Variants in ALK observed in about 807,000 individuals in gnomAD.
ALK encodes the protein ALK receptor tyrosine kinase.
Under a neutral mutation model 163.1 loss-of-function variants are expected in ALK, and 74 were observed. The ratio of observed to expected loss-of-function variants is 0.45; its 90% confidence interval spans 0.38 to 0.55. The LOEUF (loss-of-function observed/expected upper bound fraction) is 0.55. Ranked by LOEUF, ALK falls within the 20% of genes least tolerant of loss-of-function variation. ALK has a pLI of 0.00. For missense variants in ALK, 2,063 were observed against 2,105.3 expected (o/e 0.98, Z 0.39); for synonymous variants, 960 against 843.2 (o/e 1.14, Z -2.40).
chr2:29,691,657 A>T (rs1678399454), intron 3 of ALK, among the ~76,000 whole-genome samples: 1 of 152,190 alleles, frequency 6.6e-6, no homozygotes, highest in Non-Finnish European at 1.5e-5. Flanking sequence ...GAATGCTGAG[A>T]AGTAAAAATT....
chr2:29,763,391 A>G (rs1310926880), intron 1 of ALK, among the ~76,000 whole-genome samples: 1 of 152,188 alleles, frequency 6.6e-6, no homozygotes, highest in African/African-American at 2.4e-5. Context: ...TTTACCAGAT[A>G]TGTGACCTCT....
chr2:29,853,929 A>C (rs1666073566), intron 1 of ALK, among the ~76,000 whole-genome samples: 1 of 146,244 alleles, frequency 6.8e-6, no homozygotes, highest in African/African-American at 2.5e-5. Context: ...TTTTTTCCTG[A>C]GACAGAGTCT....
At chr2:29,233,845 C>T (rs1664292414) in intron 13 of ALK, 149 bp from the exon 14 acceptor site, 1 of 960,144 alleles carries the variant, frequency 1.0e-6, no homozygotes, top group Admixed American at 2.0e-5. Context: ...ATACCAATAA[C>T]TGTCACTCTG....
At chr2:29,242,765 C>A (rs1221468000) in intron 12 of ALK, among the ~76,000 whole-genome samples, 1 of 152,240 alleles carries the variant, frequency 6.6e-6, no homozygotes, top group Non-Finnish European at 1.5e-5. Flanking sequence ...TTTGAGAAGA[C>A]TGCAAACCCA....
intron 4 of ALK, among the ~76,000 whole-genome samples, chr2:29,415,609 T>C (rs951013017): frequency 6.6e-6 from 1 of 152,198 alleles, no homozygotes; most frequent in South Asian, 2.1e-4. Flanking sequence ...GCTATGACGA[T>C]TAATTTTATG....
intron 12 of ALK, among the ~76,000 whole-genome samples, chr2:29,250,491 G>A (rs1224829628): frequency 6.6e-6 from 1 of 152,152 alleles, no homozygotes; most frequent in African/African-American, 2.4e-5. Context: ...AGATGCTGCA[G>A]GAGGGGGTCT....
chr2:29,834,199 A>T (rs116444890), intron 1 of ALK, among the ~76,000 whole-genome samples: 1,915 of 152,306 alleles, frequency 0.013, 42 homozygotes, highest in African/African-American at 0.044. Flanking sequence ...TTCTCAGCCA[A>T]TGATGTTTGG....
At chr2:29,609,366 T>C (rs569194024) in intron 3 of ALK, among the ~76,000 whole-genome samples, 140 of 152,346 alleles carry the variant, frequency 9.2e-4, no homozygotes, top group Non-Finnish European at 1.7e-3. Flanking sequence ...GATTTCATTA[T>C]GTGATAGCAA....
chr2:29,690,831 C>A (rs1678374446), intron 3 of ALK, among the ~76,000 whole-genome samples: 1 of 152,232 alleles, frequency 6.6e-6, no homozygotes, highest in East Asian at 1.9e-4. Context: ...AGAAATATTG[C>A]AATAGCATCT....
At chr2:29,767,150 AT>A (rs1680887596) in intron 1 of ALK, among the ~76,000 whole-genome samples, 2 of 152,188 alleles carry the variant, frequency 1.3e-5, no homozygotes, top group Admixed American at 1.3e-4. Flanking sequence ...TTTACATATA[AT>A]TTTTACTTTT....
chr2:29,803,460 C>T (rs916612518), intron 1 of ALK, among the ~76,000 whole-genome samples: 2 of 152,172 alleles, frequency 1.3e-5, no homozygotes, highest in Admixed American at 6.5e-5. Flanking sequence ...TCCACTCTCA[C>T]GCTTGGGGTA....
chr2:29,391,411 A>G (rs532892546), intron 4 of ALK, among the ~76,000 whole-genome samples: 6 of 151,200 alleles, frequency 4.0e-5, no homozygotes, highest in African/African-American at 1.5e-4. Flanking sequence ...AGCGATTCTC[A>G]TGCCTCAACC....
intron 3 of ALK, among the ~76,000 whole-genome samples, chr2:29,665,644 T>G (rs1488231937): frequency 1.3e-5 from 2 of 152,052 alleles, no homozygotes; most frequent in Non-Finnish European, 2.9e-5. Context: ...GACAAGGGCA[T>G]GGTCACAAGA....
intron 1 of ALK, among the ~76,000 whole-genome samples, chr2:29,897,653 C>A (rs983735473): frequency 6.6e-6 from 1 of 152,170 alleles, no homozygotes; most frequent in African/African-American, 2.4e-5. Flanking sequence ...ATTCAGTTAC[C>A]CTGGGATTTG....
intron 11 of ALK, among the ~76,000 whole-genome samples, chr2:29,271,145 C>A (rs1241074846): frequency 2.0e-5 from 3 of 152,160 alleles, no homozygotes; most frequent in Non-Finnish European, 4.4e-5. Flanking sequence ...GGAACAAAGA[C>A]CCCTATCGAG....
At chr2:29,564,104 T>C (rs1674105454) in intron 3 of ALK, among the ~76,000 whole-genome samples, 1 of 152,170 alleles carries the variant, frequency 6.6e-6, no homozygotes, top group East Asian at 1.9e-4. Flanking sequence ...TCTTCCATAA[T>C]GGGGCATCTT....
At chr2:29,694,079 A>C (rs1678482125) in intron 3 of ALK, among the ~76,000 whole-genome samples, 1 of 152,230 alleles carries the variant, frequency 6.6e-6, no homozygotes, top group South Asian at 2.1e-4. Flanking sequence ...TTCTAGGTCC[A>C]AGACATTGGG....
At chr2:29,198,023 T>G (rs1669067683) in intron 26 of ALK, among the ~76,000 whole-genome samples, 1 of 152,228 alleles carries the variant, frequency 6.6e-6, no homozygotes. Flanking sequence ...AAATAACATT[T>G]GGAATGGCTA....
intron 3 of ALK, among the ~76,000 whole-genome samples, chr2:29,590,937 G>A (rs990065015): frequency 2.0e-5 from 3 of 151,682 alleles, no homozygotes; most frequent in African/African-American, 7.3e-5. Context: ...CGGGCGTGTT[G>A]GCGGGCGCCT....
Sources: gnomAD v4.1 joint callset for allele counts (sites outside exome capture counted in the v4.1 genomes callset) on GRCh38, gnomAD v4.1.1 for gene constraint, MANE v1.5 for transcripts, NCBI Gene and HGNC (gene_info 2026-07-23, HGNC 2026-07-21) for gene names.